The following AP2M1 variants were observed in gnomAD, a reference collection of about 807,000 sequenced individuals.
AP2M1 encodes AP-2 complex subunit mu.
AP2M1 carries 5 observed loss-of-function variants against 54.5 expected under a neutral mutation model. That is an observed-to-expected ratio of 0.09 (90% confidence interval 0.05 to 0.19). The LOEUF (loss-of-function observed/expected upper bound fraction) is 0.19. Ranked by LOEUF, AP2M1 falls within the 10% of genes least tolerant of loss-of-function variation. The pLI, the probability that AP2M1 is intolerant of heterozygous loss-of-function variation, is 1.00. For missense variants in AP2M1, 178 were observed against 580.2 expected (o/e 0.31, Z 7.12); for synonymous variants, 186 against 208.2 (o/e 0.89, Z 0.92).
At position 184,182,008 on chromosome 3, in the gene AP2M1, G is replaced by A; in HGVS notation, c.924G>A (p.Lys308=). The change falls in exon 9 of 12, where the codon AAG becomes AAA. Residue 308 remains lysine (K), a synonymous_variant. Coordinates refer to ENST00000292807, the MANE Select transcript of AP2M1 (RefSeq NM_004068.4). This position sits in a 1 kb window ranked among gnomAD's most constrained non-coding sequence, Gnocchi z 5.5. The part of the protein sequence containing the change: ...RTKLEVKVVI[K]SNFKPSLLAQ... ...AACTGGAGGTCAAGGTGGTCATCAA[G>A]TCCAACTTTAAACCCTCACTGCTGG... is the stretch of plus-strand genomic sequence containing the variant. 6.2e-7 allele frequency: 1 copy of A among 1,614,172 alleles called. No individual in the cohort carries two copies. The highest frequency in any genetic ancestry group is 1.1e-5 in the South Asian group (1 of 91,078).
chr3:184,177,990 G>A, intron 2 of AP2M1: 3 of 647,726 alleles, frequency 4.6e-6, no homozygotes, highest in Non-Finnish European at 8.3e-6. Context: ...GGCCTGGCCT[G>A]TCTGAACCTG....
chr3:184,177,707 A>G, intron 2 of AP2M1: 2 of 1,186,158 alleles, frequency 1.7e-6, no homozygotes, highest in Non-Finnish European at 2.4e-6. Flanking sequence ...CTTCACACAG[A>G]GCCACAGCCT....
chr3:184,176,681 C>T (rs1050129009), intron 1 of AP2M1: 3 of 442,552 alleles, frequency 6.8e-6, no homozygotes, highest in East Asian at 3.6e-5. Flanking sequence ...GGAGAGGGGG[C>T]GGGGGTTACT....
At position 184,180,139 on chromosome 3, in the gene AP2M1, C is replaced by T; in HGVS notation, c.341-30C>T. On this transcript the variant is annotated intron_variant, in intron 3 of 11. Transcript: ENST00000292807. The surrounding 1 kb of genome is among the most constrained non-coding windows in gnomAD (Gnocchi z 4.9). Reference sequence around the variant, plus strand: ...GGGGCTGGAATGAAGAAGCTCTGTCCAGGGGCTGATGGTTCCCTTCTTTTT... The same window carrying T: ...GGGGCTGGAATGAAGAAGCTCTGTCTAGGGGCTGATGGTTCCCTTCTTTTT... 1 of 1,610,252 alleles carries T rather than the reference C, an allele frequency of 6.2e-7. No homozygotes were observed. The highest frequency in any genetic ancestry group is 8.5e-7 in the Non-Finnish European group (1 of 1,176,660).
At position 184,183,634 on chromosome 3, in the gene AP2M1, GCCCACCTCCCCAGCCA is replaced by G. The variant is rs1366079664; in HGVS notation, c.*22_*37del. The stretch of plus-strand genomic sequence containing the variant: ...GCTGCTAGCTGCCACTAGGCAGCTA[GCCCACCTCCCCAGCCA>G]CCCTCCTCCACAGGTCCAGGTGCCG... On this transcript the variant is annotated 3_prime_UTR_variant, in exon 12 of 12. Transcript: ENST00000292807. The surrounding 1 kb of genome is among the most constrained non-coding windows in gnomAD (Gnocchi z 5.7). The G allele has an allele frequency of 6.2e-7, 1 of 1,609,650 alleles. No homozygotes were observed. The highest frequency in any genetic ancestry group is 8.5e-7 in the Non-Finnish European group (1 of 1,178,764).
chr3:184,177,020 T>C lies in AP2M1; in HGVS notation c.27T>C (p.Asn9=). 6.2e-7 allele frequency: 1 copy of C among 1,613,908 alleles called. No individual in the cohort carries two copies. The highest frequency in any genetic ancestry group is 8.5e-7 in the Non-Finnish European group (1 of 1,179,940). The part of the protein sequence containing the change: MIGGLFIY[N]HKGEVLISRV... Reference sequence around the variant, plus strand: ...TGATTGGAGGCTTATTCATCTATAATCACAAGGGGGAGGTGCTCATCTCCC... The same window carrying C: ...TGATTGGAGGCTTATTCATCTATAACCACAAGGGGGAGGTGCTCATCTCCC... The change falls in exon 2 of 12, where the codon AAT becomes AAC. Residue 9 remains asparagine, a synonymous_variant. Transcript: ENST00000292807.
In AP2M1 at chr3:184,183,300, C is replaced by A; in HGVS notation, c.1174-182C>A. 1.3e-6 allele frequency: 1 copy of A among 792,336 alleles called. No homozygotes were observed. Among genetic ancestry groups the A allele is most frequent in the Non-Finnish European group, 2.0e-6 (1 of 501,176 alleles). 49.1% of individuals were successfully genotyped at this position (792,336 alleles called of 1,614,324 possible). A position where few individuals can be genotyped will look rare whatever the true frequency, so the allele number is the denominator to read the frequency against. ...GATTAAAGGAACTGATTCAAGGTGT[C>A]ACAGGTAGGGCTTTCTTCTTTAGTC... On this transcript the variant is annotated intron_variant, in intron 11 of 11. Transcript: ENST00000292807. This position sits in a 1 kb window ranked among gnomAD's most constrained non-coding sequence, Gnocchi z 5.7.
Position 184,176,983 on chromosome 3 carries a change from G to A in AP2M1, c.-11G>A, listed in dbSNP as rs1373253315. Reference sequence around the variant, plus strand: ...CTCAGAGCGATGGGCCGCGGAGACTGATCTGCCGCCATGATTGGAGGCTTA... The same window carrying A: ...CTCAGAGCGATGGGCCGCGGAGACTAATCTGCCGCCATGATTGGAGGCTTA... On this transcript the variant is annotated 5_prime_UTR_variant, in exon 2 of 12. The change abolishes the stop of an existing upstream ORF in the 5' untranslated region. Coordinates refer to ENST00000292807, the MANE Select transcript of AP2M1 (RefSeq NM_004068.4). 6.2e-7 allele frequency: 1 copy of A among 1,613,610 alleles called. No individual in the cohort carries two copies. Among genetic ancestry groups the A allele is most frequent in the Non-Finnish European group, 8.5e-7 (1 of 1,179,836 alleles).
intron 1 of AP2M1, among the ~76,000 whole-genome samples, chr3:184,175,430 A>G (rs552118339): frequency 6.6e-6 from 1 of 151,214 alleles, no homozygotes; most frequent in Non-Finnish European, 1.5e-5. Context: ...CAGCCCCCGC[A>G]CCCCCATGGC....
intron 2 of AP2M1, 92 bp downstream of exon 2, chr3:184,177,159 C>T: frequency 7.7e-7 from 1 of 1,301,778 alleles, no homozygotes. Context: ...ATTGGCTTGA[C>T]TTGGGCCACC....
Position 184,178,981 on chromosome 3 carries a change from G to A in AP2M1, c.199G>A (p.Ala67Thr), listed in dbSNP as rs1344972426. ...HVKRSNIWLA[A>T]VTKQNVNAAM... ...TAAGCGGTCCAACATTTGGCTGGCA[G>A]CAGTCACCAAGCAGAATGTCAACGC... The change falls in exon 3 of 12, where the codon GCA (alanine) becomes ACA (threonine). Residue 67 changes from alanine (A) to threonine (T), a missense_variant. By Grantham distance (58) the Ala-to-Thr change is moderately conservative (BLOSUM62 0). Coordinates refer to ENST00000292807, the MANE Select transcript of AP2M1 (RefSeq NM_004068.4). The surrounding 1 kb of genome is among the most constrained non-coding windows in gnomAD (Gnocchi z 4.9). 2.5e-6 allele frequency: 4 copies of A among 1,614,208 alleles called. No individual in the cohort carries two copies. The highest frequency in any genetic ancestry group is 1.7e-5 in the Admixed American group (1 of 60,030).
At chr3:184,177,704 C>G (rs1344846980) in intron 2 of AP2M1, 1 of 1,201,364 alleles carries the variant, frequency 8.3e-7, no homozygotes, top group Non-Finnish European at 1.2e-6. Context: ...GGCCTTCACA[C>G]AGAGCCACAG....
At chr3:184,179,249 C>G in intron 3 of AP2M1, 127 bp downstream of exon 3, 2 of 1,255,290 alleles carry the variant, frequency 1.6e-6, no homozygotes, top group Non-Finnish European at 1.1e-6. Context: ...AGTATTTGGT[C>G]TCTTGGGCTA....
chr3:184,181,649 C>T lies in AP2M1; in HGVS notation c.708-47C>T. On this transcript the variant is annotated intron_variant, in intron 7 of 11. Coordinates refer to ENST00000292807, the MANE Select transcript of AP2M1 (RefSeq NM_004068.4). The surrounding 1 kb of genome is among the most constrained non-coding windows in gnomAD (Gnocchi z 5.7). The stretch of plus-strand genomic sequence containing the variant: ...GTGGAGTGGTCTCCCAGCATGACAG[C>T]TGTCATTCTCCTGTACCAATGAGAC... 6.2e-7 allele frequency: 1 copy of T among 1,604,822 alleles called. No homozygotes were observed. The highest frequency in any genetic ancestry group is 8.5e-7 in the Non-Finnish European group (1 of 1,174,472).
In AP2M1 at chr3:184,178,076, C is replaced by T. The variant is rs1307218583; in HGVS notation, c.75-781C>T. ...CAAGCCAAGGCCAGGTCACACGCCGCCTTGCCTGTCTTGTCTGCTTCTGCC... is the reference window on the plus strand; with the variant it reads ...CAAGCCAAGGCCAGGTCACACGCCGTCTTGCCTGTCTTGTCTGCTTCTGCC... On this transcript the variant is annotated intron_variant, in intron 2 of 11. Transcript: ENST00000292807. This position sits in a 1 kb window ranked among gnomAD's most constrained non-coding sequence, Gnocchi z 4.9. The T allele has an allele frequency of 1.3e-5, 14 of 1,090,906 alleles. No individual in the cohort carries two copies. The highest frequency in any genetic ancestry group is 1.8e-5 in the Non-Finnish European group (13 of 741,376). 67.6% of individuals were successfully genotyped at this position (1,090,906 alleles called of 1,614,324 possible).
At chr3:184,179,187 T>G in intron 3 of AP2M1, 65 bp downstream of exon 3, 1 of 1,578,094 alleles carries the variant, frequency 6.3e-7, no homozygotes, top group Non-Finnish European at 8.6e-7. Flanking sequence ...GGGCCTGGCC[T>G]GAAGGTGGGT....
Position 184,181,109 on chromosome 3 carries a change from C to T in AP2M1, c.590C>T (p.Ser197Leu). The T allele has an allele frequency of 6.2e-7, 1 of 1,614,068 alleles. No homozygotes were observed. The change falls in exon 7 of 12, where the codon TCG becomes TTG. Residue 197 changes from serine to leucine, a missense_variant. Transcript: ENST00000292807. The surrounding 1 kb of genome is among the most constrained non-coding windows in gnomAD (Gnocchi z 5.7). ...GGGCAGGTGCTGAGTGCCCATGTGTCGGGCCGGGTGGTGATGAAGAGCTAC... is the reference window on the plus strand; with the variant it reads ...GGGCAGGTGCTGAGTGCCCATGTGTTGGGCCGGGTGGTGATGAAGAGCTAC... ...PQGQVLSAHV[S>L]GRVVMKSYLS...
intron 2 of AP2M1, 82 bp downstream of exon 2, chr3:184,177,149 A>G (rs1715101347): frequency 1.6e-5 from 23 of 1,425,862 alleles, no homozygotes; most frequent in Non-Finnish European, 2.1e-5. Flanking sequence ...TTTTCCCACC[A>G]TTGGCTTGAC....
intron 3 of AP2M1, chr3:184,179,390 C>G: frequency 2.1e-6 from 1 of 467,278 alleles, no homozygotes; most frequent in South Asian, 2.4e-5. Flanking sequence ...GTGGCTGAAC[C>G]TCCTGTATTC....
Sources: allele counts gnomAD v4.1 joint callset (sites outside exome capture counted in the v4.1 genomes callset), GRCh38; gene constraint gnomAD v4.1.1; non-coding constraint Gnocchi (gnomAD v3.1); transcripts MANE v1.5; gene names NCBI Gene and HGNC (gene_info 2026-07-23, HGNC 2026-07-21).